Variants in TCEA2 observed in about 807,000 individuals in gnomAD.
TCEA2 encodes transcription elongation factor A2.
A neutral mutation model predicts 40.8 loss-of-function variants in TCEA2; 21 were observed. The ratio of observed to expected loss-of-function variants is 0.51; its 90% CI spans 0.36 to 0.74. The LOEUF is 0.74. TCEA2 is among the 30% of genes least tolerant of loss of function. The pLI is 0.00. For missense variants in TCEA2, 326 were observed against 426.5 expected (o/e 0.76, Z 2.08); for synonymous variants, 165 against 162.7 (o/e 1.01, Z -0.11).
chr20:64,061,841 G>C (rs889514854), upstream of TCEA2, among the ~76,000 whole-genome samples: 2 of 151,988 alleles, frequency 1.3e-5, no homozygotes, highest in Non-Finnish European at 1.5e-5. Flanking sequence ...CAATTCTCCT[G>C]CCTTAGCCTC....
chr20:64,059,479 C>G (rs2059523035), upstream of TCEA2, among the ~76,000 whole-genome samples: 2 of 152,166 alleles, frequency 1.3e-5, no homozygotes, highest in African/African-American at 4.8e-5. Context: ...CCTCTCCCTC[C>G]CAACTCTGGG....
chr20:64,063,020 C>T (rs2059600080), upstream of TCEA2: 1 of 218,238 alleles, frequency 4.6e-6, no homozygotes, highest in African/African-American at 2.3e-5. Flanking sequence ...TCACGAGTCA[C>T]TGGCGACGGT....
rs1316139615 is a variant in TCEA2 at position 64,070,548 on chromosome 20, A to G, written c.732A>G (p.Arg244=). The G allele has an allele frequency of 6.2e-7, 1 of 1,613,786 alleles. No homozygotes were observed. The highest frequency in any genetic ancestry group is 1.3e-5 in the African/African-American group (1 of 74,946). Residue 244 remains arginine (R), a synonymous_variant, in exon 8 of 10, where the codon CGA becomes CGG. Transcript: ENST00000343484. ...AGGCCATGACCAAGGAGGCCATCCG[A>G]GAGCACCAGATGGCCCGCACTGGCG... ...IRKAMTKEAI[R]EHQMARTGGT...
intron 9 of TCEA2, 104 bp downstream of exon 9, chr20:64,072,045 A>T (rs1406129574): frequency 1.3e-6 from 2 of 1,595,610 alleles, no homozygotes; most frequent in African/African-American, 2.7e-5. Context: ...GGCCCTGCCC[A>T]ACCAGCCTCC....
chr20:64,069,562 G>T (rs748825223), intron 5 of TCEA2, 71 bp downstream of exon 5: 7 of 1,576,334 alleles, frequency 4.4e-6, no homozygotes, highest in Non-Finnish European at 5.2e-6. Context: ...CTGCCTGCCC[G>T]CAGAGGCCTG....
chr20:64,068,258 C>A, intron 4 of TCEA2, 124 bp downstream of exon 4: 1 of 854,078 alleles, frequency 1.2e-6, no homozygotes, highest in Non-Finnish European at 1.9e-6. Context: ...GTCGGTCAGC[C>A]TCATGCTGGA....
upstream of TCEA2, among the ~76,000 whole-genome samples, chr20:64,058,787 G>A (rs2059508075): frequency 6.6e-6 from 1 of 152,182 alleles, no homozygotes; most frequent in Non-Finnish European, 1.5e-5. This position sits in a 1 kb window ranked among gnomAD's most constrained non-coding sequence, Gnocchi z 6.7. Context: ...GTGGGGGTGC[G>A]AGGCAGTTCC....
rs938865789 is a variant in TCEA2 at position 64,070,294 on chromosome 20, G to A, written c.552G>A (p.Lys184=). 5.6e-6 allele frequency: 9 copies of A among 1,614,110 alleles called. No individual in the cohort carries two copies. In the African/African-American group the frequency reaches 1.1e-4, roughly 19 times the overall value. ...GGGACGTTGGAAACACAGACATGAAGTATAAGAACCGTGTACGGAGTCGTA... is the reference window on the plus strand; with the variant it reads ...GGGACGTTGGAAACACAGACATGAAATATAAGAACCGTGTACGGAGTCGTA... ...IFRDVGNTDM[K]YKNRVRSRIS... Residue 184 remains lysine, a synonymous_variant, in exon 7 of 10, where the codon AAG becomes AAA. Transcript: ENST00000343484.
At position 64,071,248 on chromosome 20, in the gene TCEA2, T is replaced by C. The variant is rs147287431; in HGVS notation, c.819+613T>C. On this transcript the variant is annotated intron_variant, in intron 8 of 9. Coordinates refer to ENST00000343484, the MANE Select transcript of TCEA2 (RefSeq NM_003195.6). ...CTGTAATCCCAGCTACTCAGGAGGC[T>C]GAGGCAGGAGAATCACTTGAACCCG... Among the ~76,000 whole-genome samples the C allele has an allele frequency of 8.8e-3, 1,343 of 152,018 alleles. 14 individuals carry two copies. The highest frequency in any genetic ancestry group is 0.03 in the African/African-American group (1,250 of 41,420).
At chr20:64,056,262 C>T (rs941351871), upstream of TCEA2, among the ~76,000 whole-genome samples, 3 of 152,134 alleles carry the variant, frequency 2.0e-5, 1 homozygote, top group South Asian at 6.2e-4. Context: ...TCCAGAGAGC[C>T]GGGTGCTGCA....
upstream of TCEA2, among the ~76,000 whole-genome samples, chr20:64,062,262 G>A (rs954502480): frequency 4.6e-5 from 7 of 152,226 alleles, no homozygotes; most frequent in Non-Finnish European, 1.0e-4. Context: ...TTACTGGGGA[G>A]CTGCCAGGCA....
intron 8 of TCEA2, among the ~76,000 whole-genome samples, chr20:64,071,372 G>A (rs895794770): frequency 5.3e-5 from 8 of 151,930 alleles, no homozygotes; most frequent in Admixed American, 2.0e-4. Context: ...AGAGGGGAGT[G>A]TGTCGAGGCG....
chr20:64,060,597 C>A (rs938241520), upstream of TCEA2, among the ~76,000 whole-genome samples: 2 of 152,178 alleles, frequency 1.3e-5, no homozygotes, highest in Admixed American at 1.3e-4. Flanking sequence ...ATGCCCAAAC[C>A]ATGGGATTCT....
At chr20:64,067,085 GT>G in intron 3 of TCEA2, 65 bp downstream of exon 3, 1 of 1,493,728 alleles carries the variant, frequency 6.7e-7, no homozygotes, top group South Asian at 1.2e-5. Flanking sequence ...CCTCTTGCTG[GT>G]CAGCACAGTG....
At chr20:64,060,255 C>T (rs546323461), upstream of TCEA2, among the ~76,000 whole-genome samples, 7 of 152,178 alleles carry the variant, frequency 4.6e-5, no homozygotes. Context: ...CTCCCCCCCA[C>T]CCCCAGCTTG....
Position 64,072,341 on chromosome 20 carries a change from T to A in TCEA2, c.*161T>A, listed in dbSNP as rs977828807. Reference sequence around the variant, plus strand: ...TCCCCCTCATTATTAAATGTTTCTTTTTGCCATCTTGTTCTCCTCAGCCGT... The same window carrying A: ...TCCCCCTCATTATTAAATGTTTCTTATTGCCATCTTGTTCTCCTCAGCCGT... On this transcript the variant is annotated 3_prime_UTR_variant, in exon 10 of 10. Coordinates refer to ENST00000343484, the MANE Select transcript of TCEA2 (RefSeq NM_003195.6). 5 of 823,914 alleles carry A rather than the reference T, an allele frequency of 6.1e-6. No homozygotes were observed. In the African/African-American group the frequency reaches 8.6e-5, roughly 14 times the overall value. 51.0% of individuals were successfully genotyped at this position (823,914 alleles called of 1,614,324 possible). A position where few individuals can be genotyped will look rare whatever the true frequency, so the allele number is the denominator to read the frequency against.
upstream of TCEA2, among the ~76,000 whole-genome samples, chr20:64,060,442 A>C (rs900090261): frequency 6.6e-6 from 1 of 152,164 alleles, no homozygotes; most frequent in Non-Finnish European, 1.5e-5. Flanking sequence ...GGGTTCCTGC[A>C]CAAGGGCAGT....
Position 64,063,345 on chromosome 20 carries a change from C to A in TCEA2, c.33C>A (p.Ile11=), listed in dbSNP as rs1275193676. 1 of 1,549,666 alleles carries A rather than the reference C, an allele frequency of 6.5e-7. No individual in the cohort carries two copies. The highest frequency in any genetic ancestry group is 2.0e-5 in the Admixed American group (1 of 51,010). Residue 11 remains isoleucine, a synonymous_variant, in exon 1 of 10, where the codon ATC becomes ATA. Transcript: ENST00000343484. The part of the protein sequence containing the change: MMGKEEEIAR[I]ARRLDKMVTK... ...GCAAGGAAGAGGAGATTGCGCGGAT[C>A]GCCCGGAGGCTGGACAAGATGGTGA... is the stretch of plus-strand genomic sequence containing the variant.
At chr20:64,057,026 G>C (rs896843075), upstream of TCEA2, 1 of 152,316 alleles carries the variant, frequency 6.6e-6, no homozygotes, top group Non-Finnish European at 1.5e-5. Context: ...CTGTTTGCTG[G>C]GGCTCGGCCC....
Sources: gnomAD v4.1 joint callset for allele counts (sites outside exome capture counted in the v4.1 genomes callset) on GRCh38, gnomAD v4.1.1 for gene constraint, Gnocchi (gnomAD v3.1) non-coding constraint, MANE v1.5 for transcripts, NCBI Gene and HGNC (gene_info 2026-07-23, HGNC 2026-07-21) for gene names.